THSD7B: variants seen among roughly 807,000 people sequenced by gnomAD.
The protein encoded by THSD7B is thrombospondin type 1 domain containing 7B.
In THSD7B, 138 loss-of-function variants were observed where a neutral mutation model predicts 213.6. The ratio of observed to expected loss-of-function variants is 0.65; its 90% CI spans 0.56 to 0.74. The LOEUF (loss-of-function observed/expected upper bound fraction) is 0.74, where lower values mean the gene tolerates loss of function less well. Ranked by LOEUF, THSD7B falls within the 30% of genes least tolerant of loss-of-function variation. The probability of loss-of-function intolerance (pLI) is 0.00; values close to 1 mark genes in which losing one functional copy is unlikely to be tolerated. For synonymous variants in THSD7B, 742 were observed against 687.0 expected, an observed-to-expected ratio of 1.08 and a Z score of -1.25; for missense variants, 1,931 against 1,991.5, an observed-to-expected ratio of 0.97 and a Z score of 0.58.
intron 17 of THSD7B, among the ~76,000 whole-genome samples, chr2:137,609,476 A>G (rs1364424245): frequency 6.6e-6 from 1 of 152,204 alleles, no homozygotes; most frequent in Non-Finnish European, 1.5e-5. Flanking sequence ...AGGCAGAGGG[A>G]ACAGCAAGAT....
At chr2:137,287,684 A>C (rs1460374756) in intron 12 of THSD7B, among the ~76,000 whole-genome samples, 1 of 152,164 alleles carries the variant, frequency 6.6e-6, no homozygotes, top group Non-Finnish European at 1.5e-5. Context: ...GCTATGATAA[A>C]AAGAACAGAG....
intron 2 of THSD7B, among the ~76,000 whole-genome samples, chr2:137,022,316 A>G (rs1686459768): frequency 6.6e-6 from 1 of 152,208 alleles, no homozygotes; most frequent in South Asian, 2.1e-4. Flanking sequence ...TGTACGAATG[A>G]GTCAGTTTCT....
At chr2:136,840,935 T>C (rs1396730949) in intron 1 of THSD7B, among the ~76,000 whole-genome samples, 2 of 152,064 alleles carry the variant, frequency 1.3e-5, no homozygotes, top group African/African-American at 4.8e-5. Context: ...TTGGTTTGAT[T>C]GGATAGTTGG....
intron 6 of THSD7B, among the ~76,000 whole-genome samples, chr2:137,164,861 C>T (rs548495130): frequency 1.3e-4 from 20 of 152,206 alleles, no homozygotes; most frequent in African/African-American, 4.8e-4. Flanking sequence ...AGGGGAACAT[C>T]ACACACCGGG....
At chr2:137,256,621 G>A (rs185339872) in intron 10 of THSD7B, among the ~76,000 whole-genome samples, 2 of 152,262 alleles carry the variant, frequency 1.3e-5, no homozygotes, top group Non-Finnish European at 1.5e-5. Context: ...ATTCTACCAA[G>A]TTTGTATCTT....
chr2:136,773,957 A>G (rs1050896091), intron 1 of THSD7B, among the ~76,000 whole-genome samples: 2 of 151,874 alleles, frequency 1.3e-5, no homozygotes, highest in African/African-American at 2.4e-5. Flanking sequence ...CCCATCAGAT[A>G]GGAAGATTTC....
chr2:137,304,661 T>C (rs1410226543), intron 12 of THSD7B, among the ~76,000 whole-genome samples: 2 of 152,078 alleles, frequency 1.3e-5, no homozygotes, highest in Non-Finnish European at 2.9e-5. Context: ...CTATTGTTTT[T>C]CTAGAAAACT....
intron 5 of THSD7B, among the ~76,000 whole-genome samples, chr2:137,117,880 TA>T (rs1260248866): frequency 2.0e-5 from 3 of 152,210 alleles, no homozygotes; most frequent in Non-Finnish European, 2.9e-5. Flanking sequence ...ATGCTGAAGC[TA>T]AATCCTGACA....
At chr2:137,305,056 A>AT (rs1266891379) in intron 12 of THSD7B, among the ~76,000 whole-genome samples, 1 of 151,904 alleles carries the variant, frequency 6.6e-6, no homozygotes, top group African/African-American at 2.4e-5. Context: ...TTTATATTTA[A>AT]TTTTGCTTGG....
intron 2 of THSD7B, among the ~76,000 whole-genome samples, chr2:137,001,799 T>C (rs1686004634): frequency 6.6e-6 from 1 of 152,166 alleles, no homozygotes; most frequent in African/African-American, 2.4e-5. Context: ...AACCAGTCAC[T>C]TTTCTCCTCT....
chr2:137,384,946 C>T (rs12691915), intron 12 of THSD7B, among the ~76,000 whole-genome samples: 146,651 of 152,122 alleles, frequency 0.96, 70,914 homozygotes, highest in Middle Eastern at 1. Context: ...CCTGACCAGG[C>T]TGAGAGAAAT....
chr2:136,940,463 TAA>T (rs1684801282), intron 2 of THSD7B, among the ~76,000 whole-genome samples: 1 of 151,414 alleles, frequency 6.6e-6, no homozygotes, highest in South Asian at 2.1e-4. Flanking sequence ...TATCAAACAT[TAA>T]GTCTTAAGTT....
At position 137,106,492 on chromosome 2, in the gene THSD7B, C is replaced by T. The variant is rs1049238272; in HGVS notation, c.1200-8632C>T. 2.0e-5 allele frequency among the ~76,000 whole-genome samples: 3 copies of T among 152,168 alleles called. No individual in the cohort carries two copies. The South Asian group carries it at 6.2e-4, about 32-fold the overall frequency. On this transcript the variant is annotated intron_variant, in intron 4 of 27. Coordinates refer to ENST00000409968, the MANE Select transcript of THSD7B (RefSeq NM_001316349.2). ...TTCGGGACATAGGCATGAGCAAAGA[C>T]TTCATGACTAAAACACCAAAAGCAA...
At chr2:137,393,367 G>A (rs1014777312) in intron 12 of THSD7B, among the ~76,000 whole-genome samples, 2 of 149,700 alleles carry the variant, frequency 1.3e-5, no homozygotes, top group Non-Finnish European at 3.0e-5. Flanking sequence ...ATGTCCATGT[G>A]ATCTCATTGT....
chr2:137,265,438 A>G (rs1333427342), intron 10 of THSD7B, among the ~76,000 whole-genome samples: 2 of 152,194 alleles, frequency 1.3e-5, no homozygotes, highest in Admixed American at 6.5e-5. Context: ...TAGAAATACC[A>G]TTTGACCCAG....
At chr2:136,792,665 TA>T (rs1681989971) in intron 1 of THSD7B, among the ~76,000 whole-genome samples, 1 of 151,954 alleles carries the variant, frequency 6.6e-6, no homozygotes, top group Non-Finnish European at 1.5e-5. Flanking sequence ...AAAACTGCTC[TA>T]AAAAATAAAG....
chr2:137,611,786 G>A (rs913295375), intron 17 of THSD7B, among the ~76,000 whole-genome samples: 4 of 152,084 alleles, frequency 2.6e-5, no homozygotes, highest in African/African-American at 7.2e-5. Context: ...TGTTTTGTGT[G>A]GAGGGTGAAA....
At chr2:137,492,005 T>C (rs1454287884) in intron 15 of THSD7B, among the ~76,000 whole-genome samples, 4 of 152,194 alleles carry the variant, frequency 2.6e-5, no homozygotes, top group Non-Finnish European at 5.9e-5. Flanking sequence ...ACTACTAATC[T>C]GGTTTTGGTT....
intron 12 of THSD7B, among the ~76,000 whole-genome samples, chr2:137,310,876 G>C (rs1447598654): frequency 6.6e-6 from 1 of 151,970 alleles, no homozygotes; most frequent in East Asian, 1.9e-4. Context: ...CTCTGTTTTG[G>C]TACCAGTACC....
Sources: allele counts gnomAD v4.1 joint callset (sites outside exome capture counted in the v4.1 genomes callset), GRCh38; gene constraint gnomAD v4.1.1; transcripts MANE v1.5; gene names NCBI Gene and HGNC (gene_info 2026-07-23, HGNC 2026-07-21).